Variants in SYNE2 observed in about 807,000 individuals in gnomAD.
SYNE2 encodes the protein spectrin repeat containing nuclear envelope protein 2, also known as nesprin-2.
A neutral mutation model predicts 856.3 loss-of-function variants in SYNE2; 431 were observed. The observed-to-expected ratio is 0.50, with a 90% CI of 0.47 to 0.55. The LOEUF (loss-of-function observed/expected upper bound fraction) is 0.55. SYNE2 is among the 20% of genes least tolerant of loss of function. The probability of loss-of-function intolerance (pLI) is 0.00; values close to 1 mark genes in which losing one functional copy is unlikely to be tolerated. For missense variants in SYNE2, 8,129 were observed against 8,023.2 expected, an observed-to-expected ratio of 1.01 and a Z score of -0.50; for synonymous variants, 2,923 against 2,872.3, an observed-to-expected ratio of 1.02 and a Z score of -0.56.
intron 50 of SYNE2, among the ~76,000 whole-genome samples, chr14:64,064,710 T>A (rs1379984743): frequency 6.6e-6 from 1 of 151,674 alleles, no homozygotes; most frequent in African/African-American, 2.4e-5. Context: ...TACACCACCA[T>A]GCCTGGTTAA....
intron 60 of SYNE2, among the ~76,000 whole-genome samples, chr14:64,091,687 C>G (rs1433752026): frequency 6.6e-6 from 1 of 152,162 alleles, no homozygotes; most frequent in Non-Finnish European, 1.5e-5. Flanking sequence ...TAAATCACTA[C>G]TCTCCATCAG....
At chr14:63,872,247 G>C (rs551879459) in intron 1 of SYNE2, among the ~76,000 whole-genome samples, 1 of 151,832 alleles carries the variant, frequency 6.6e-6, no homozygotes, top group African/African-American at 2.4e-5. Flanking sequence ...TGGCTAACAT[G>C]GTGAAACCCT....
At position 64,075,965 on chromosome 14, in the gene SYNE2, G is replaced by A; in HGVS notation, c.10887G>A (p.Lys3629=). 6.2e-7 allele frequency: 1 copy of A among 1,613,814 alleles called. No individual in the cohort carries two copies. The highest frequency in any genetic ancestry group is 8.5e-7 in the Non-Finnish European group (1 of 1,179,832). The change falls in exon 54 of 116, where the codon AAG becomes AAA. Residue 3629 remains lysine (K), a synonymous_variant. Transcript: ENST00000555002. ...TTTAGGAGCTTCAAAGCATCCTTAA[G>A]AAAGGGAAACTAACTTTTGAGAATA... ...EQFEELQSIL[K]KGKLTFENIM... is the part of the protein sequence containing the mutation.
rs188907177 is a variant in SYNE2, at chr14:64,076,905, G to C, written c.11022+805G>C. Among the ~76,000 whole-genome samples, 352 of 152,070 alleles carry C rather than the reference G, an allele frequency of 2.3e-3. 2 individuals carry two copies. Among genetic ancestry groups the C allele is most frequent in the Non-Finnish European group, 3.1e-3 (213 of 67,932 alleles). On this transcript the variant is annotated intron_variant, in intron 54 of 115. Coordinates refer to ENST00000555002, the MANE Select transcript of SYNE2 (RefSeq NM_182914.3). Reference sequence around the variant, plus strand: ...TGTAAAAAACATGTAAACTCTTAACGTATATTTATAACAAATCTTTTTTAG... The same window carrying C: ...TGTAAAAAACATGTAAACTCTTAACCTATATTTATAACAAATCTTTTTTAG...
chr14:64,049,716 G>C lies in SYNE2; in HGVS notation c.7483G>C (p.Gly2495Arg), dbSNP rs201036334. 1 of 1,614,082 alleles carries C rather than the reference G, an allele frequency of 6.2e-7. No individual in the cohort carries two copies. Among genetic ancestry groups the C allele is most frequent in the African/African-American group, 1.3e-5 (1 of 75,032 alleles). ...TGGGGCCTTGGTTCTCCACAATATA[G>C]GATATTCGGCACAGCATTTGGACAA... Reference protein sequence around the residue: ...ETGALVLHNIGYSAQHLDNLL... With the variant: ...ETGALVLHNIRYSAQHLDNLL... Residue 2495 changes from glycine (G) to arginine (R), a missense_variant, in exon 47 of 116, where the codon GGA becomes CGA. By Grantham distance (125) the Gly-to-Arg change is moderately radical (BLOSUM62 -2). This residue lies in a region of SYNE2 where 5,410 missense variants were observed against 5,284.8 expected (regional missense o/e 1.02). Coordinates refer to ENST00000555002, the MANE Select transcript of SYNE2 (RefSeq NM_182914.3).
chr14:64,100,857 A>G (rs565243322), intron 63 of SYNE2, among the ~76,000 whole-genome samples: 1 of 148,880 alleles, frequency 6.7e-6, no homozygotes, highest in Non-Finnish European at 1.5e-5. Flanking sequence ...TTCTGCTTCT[A>G]TGAGTTTTTT....
At chr14:64,071,295 C>T (rs939061939) in intron 52 of SYNE2, among the ~76,000 whole-genome samples, 11 of 151,676 alleles carry the variant, frequency 7.3e-5, no homozygotes, top group African/African-American at 2.4e-4. Context: ...GAGATCAAGA[C>T]CATCCTGGCT....
chr14:63,812,587 TA>T (rs1888655713), intron 1 of SYNE2, among the ~76,000 whole-genome samples: 1 of 152,224 alleles, frequency 6.6e-6, no homozygotes, highest in Non-Finnish European at 1.5e-5. Context: ...ATGTCCATAT[TA>T]AAATGAAATC....
chr14:63,939,940 C>T (rs1334890191), intron 2 of SYNE2, among the ~76,000 whole-genome samples: 1 of 152,118 alleles, frequency 6.6e-6, no homozygotes. Context: ...CCATTTAAAA[C>T]ATCTTCTTAT....
At chr14:63,783,575 A>C (rs1481343555) in intron 1 of SYNE2, among the ~76,000 whole-genome samples, 1 of 152,168 alleles carries the variant, frequency 6.6e-6, no homozygotes, top group Non-Finnish European at 1.5e-5. Context: ...AAACGGACTA[A>C]ACAGATATAG....
In SYNE2 at chr14:63,942,074, T is replaced by A. The variant is rs2095925805; in HGVS notation, c.339T>A (p.Val113=). The change falls in exon 6 of 116, where the codon GTT becomes GTA. Residue 113 remains valine, a synonymous_variant. Transcript: ENST00000555002. ...AGATTAAGCTAATAAATATTCATGTTACTGATATCATTGATGGAAACCCAT... is the reference window on the plus strand; with the variant it reads ...AGATTAAGCTAATAAATATTCATGTAACTGATATCATTGATGGAAACCCAT... The part of the protein sequence containing the change: ...NRSIKLINIH[V]TDIIDGNPSI... The A allele has an allele frequency of 1.9e-6, 3 of 1,611,350 alleles. No homozygotes were observed. The highest frequency in any genetic ancestry group is 1.1e-5 in the South Asian group (1 of 91,050).
At position 63,940,674 on chromosome 14, in the gene SYNE2, G is replaced by A; in HGVS notation, c.140G>A (p.Arg47Lys). 1 of 1,614,064 alleles carries A rather than the reference G, an allele frequency of 6.2e-7. No individual in the cohort carries two copies. Among genetic ancestry groups the A allele is most frequent in the East Asian group, 2.2e-5 (1 of 44,866 alleles). ...TGCTGGATAAACTCACAGTTGGCCA[G>A]GGTAAGCAAATGAAGACCAAATTAG... Reference protein sequence around the residue: ...FTCWINSQLARHTSPSVISDL... With the variant: ...FTCWINSQLAKHTSPSVISDL... The change falls in exon 3 of 116, where the codon AGG becomes AAG. Residue 47 changes from arginine (R) to lysine (K), a missense_variant and splice_region_variant. Transcript: ENST00000555002.
chr14:63,963,599 G>T (rs1320599200), intron 9 of SYNE2, among the ~76,000 whole-genome samples: 1 of 152,136 alleles, frequency 6.6e-6, no homozygotes, highest in African/African-American at 2.4e-5. Context: ...TTATTGGAAG[G>T]CAGTCTTCTG....
At chr14:63,916,603 A>G (rs772248041) in intron 2 of SYNE2, among the ~76,000 whole-genome samples, 1 of 152,220 alleles carries the variant, frequency 6.6e-6, no homozygotes, top group East Asian at 1.9e-4. Flanking sequence ...GAACTTTTGA[A>G]TGTTCATGAA....
intron 1 of SYNE2, among the ~76,000 whole-genome samples, chr14:63,858,262 CTTTTTTTTTTTTTTT>C (rs61091259): frequency 2.3e-4 from 12 of 52,930 alleles, no homozygotes; most frequent in East Asian, 6.7e-4. Flanking sequence ...CCACACCGGC[CTTTTTTTTTTTTTTT>C]TTTTTTTTTT....
rs193031801 is a variant in SYNE2 at position 63,891,048 on chromosome 14, T to C, written c.-51-18050T>C. 3.9e-5 allele frequency among the ~76,000 whole-genome samples: 6 copies of C among 152,282 alleles called. No homozygotes were observed. In the South Asian group the frequency reaches 1.2e-3, roughly 32 times the overall value. ...TGGAACTCTCAGCTTTTCATGAATT[T>C]GGTTTATATTTTTATAATATTTATC... On this transcript the variant is annotated intron_variant, in intron 1 of 115. Transcript: ENST00000555002.
Position 64,167,273 on chromosome 14 carries a change from A to T in SYNE2, c.16646A>T (p.Glu5549Val), listed in dbSNP as rs752510327. The change falls in exon 91 of 116, where the codon GAA becomes GTA. Residue 5549 changes from glutamate to valine, a missense_variant. By Grantham distance (121) the Glu-to-Val change is moderately radical. Around this residue, in one of 3 missense-constraint regions of SYNE2, gnomAD observed 5,410 missense variants for 5,284.8 expected, o/e 1.02. Transcript: ENST00000555002. ...CTGACAGCCCAATCACCTGATATTG[A>T]ACATTTGAATGAAGTGAGCCTCAAG... ...LALTAQSPDI[E>V]HLNEVSLKLP... 30 of 1,614,132 alleles carry T rather than the reference A, an allele frequency of 1.9e-5. No homozygotes were observed. Among genetic ancestry groups the T allele is most frequent in the Non-Finnish European group, 2.5e-5 (29 of 1,180,048 alleles).
At chr14:64,115,536 G>A (rs944915494) in intron 66 of SYNE2, among the ~76,000 whole-genome samples, 19 of 152,282 alleles carry the variant, frequency 1.2e-4, no homozygotes, top group Admixed American at 4.6e-4. Context: ...AGTCTTATCC[G>A]TGGCTGGCAG....
intron 63 of SYNE2, among the ~76,000 whole-genome samples, chr14:64,100,531 A>AAAATATATATAT (rs1491537041): frequency 5.1e-5 from 2 of 39,482 alleles, no homozygotes; most frequent in Non-Finnish European, 9.3e-5. Context: ...AAAAAAAAAA[A>AAAATATATATAT]ATATATATAT....
Sources: allele counts gnomAD v4.1 joint callset (sites outside exome capture counted in the v4.1 genomes callset), GRCh38; gene constraint gnomAD v4.1.1; regional missense constraint gnomAD v4.1.1; transcripts MANE v1.5; gene names NCBI Gene and HGNC (gene_info 2026-07-23, HGNC 2026-07-21).